The following CARD8 variants were observed in gnomAD, a reference collection of about 807,000 sequenced individuals.
The protein encoded by CARD8 is caspase recruitment domain family member 8, also known as caspase recruitment domain-containing protein 8.
Under a neutral mutation model 53.2 loss-of-function variants are expected in CARD8, and 38 were observed. That is an observed-to-expected ratio of 0.71 (90% CI 0.55 to 0.94). The LOEUF (loss-of-function observed/expected upper bound fraction) is 0.94. CARD8 is among the 40% of genes least tolerant of loss of function. The pLI is 0.00. For missense variants in CARD8, 561 were observed against 655.5 expected, an observed-to-expected ratio of 0.86 and a Z score of 1.57; for synonymous variants, 245 against 244.9, an observed-to-expected ratio of 1.00 and a Z score of 0.00.
intron 12 of CARD8, 44 bp downstream of exon 12, chr19:48,218,827 G>C (rs2039911474): frequency 1.2e-6 from 2 of 1,601,566 alleles, no homozygotes; most frequent in Non-Finnish European, 1.7e-6. Flanking sequence ...AGAGGTACAT[G>C]ATGGATCCCT....
At chr19:48,223,070 G>A (rs1034331924) in intron 10 of CARD8, among the ~76,000 whole-genome samples, 2 of 152,164 alleles carry the variant, frequency 1.3e-5, no homozygotes, top group African/African-American at 2.4e-5. Flanking sequence ...TTGGGAGGCC[G>A]AGGCAGGCAG....
chr19:48,211,512 A>G lies in CARD8; in HGVS notation c.*198T>C. On this transcript the variant is annotated 3_prime_UTR_variant, in exon 14 of 14. Transcript: ENST00000651546. Reference sequence around the variant, plus strand: ...TAAAAGGAATATTACTACCTTCTTCAGACATTCTTGAGGAAAATGCATGAG... The same window carrying G: ...TAAAAGGAATATTACTACCTTCTTCGGACATTCTTGAGGAAAATGCATGAG... The G allele has an allele frequency of 1.7e-6, 1 of 571,698 alleles. No homozygotes were observed. The highest frequency in any genetic ancestry group is 3.1e-6 in the Non-Finnish European group (1 of 325,946). 35.4% of individuals were successfully genotyped at this position (571,698 alleles called of 1,614,324 possible).
At chr19:48,227,936 G>A (rs182995270) in intron 10 of CARD8, among the ~76,000 whole-genome samples, 13 of 151,890 alleles carry the variant, frequency 8.6e-5, no homozygotes, top group African/African-American at 2.9e-4. Context: ...GTTAGGAATC[G>A]GGCTGCACAG....
intron 3 of CARD8, among the ~76,000 whole-genome samples, chr19:48,242,104 T>C (rs2045252535): frequency 6.6e-6 from 1 of 152,220 alleles, no homozygotes; most frequent in Non-Finnish European, 1.5e-5. Flanking sequence ...CGAATGTATG[T>C]GTCCACCCTC....
intron 6 of CARD8, chr19:48,233,848 T>TGG (rs200715270): frequency 0.01 from 1,690 of 161,582 alleles, 35 homozygotes; most frequent in African/African-American, 0.039. Context: ...GTCATTTTTC[T>TGG]ACACTTTTCA....
chr19:48,229,250 A>G (rs2042384302), intron 10 of CARD8, among the ~76,000 whole-genome samples: 1 of 151,248 alleles, frequency 6.6e-6, no homozygotes, highest in Non-Finnish European at 1.5e-5. Flanking sequence ...ACAGTGAAAC[A>G]ATGAGGTTTT....
At chr19:48,235,985 C>A (rs2146433274) in intron 5 of CARD8, among the ~76,000 whole-genome samples, 1 of 151,850 alleles carries the variant, frequency 6.6e-6, no homozygotes, top group East Asian at 1.9e-4. Context: ...ACAACAAGAG[C>A]AAAAATCCTG....
intron 11 of CARD8, among the ~76,000 whole-genome samples, chr19:48,219,856 A>G (rs145143318): frequency 6.6e-5 from 10 of 152,240 alleles, no homozygotes; most frequent in Admixed American, 2.6e-4. Flanking sequence ...CTGTAGTCCC[A>G]GCTACTCAGG....
intron 13 of CARD8, 30 bp from the exon 14 acceptor site, chr19:48,212,005 A>G: frequency 1.2e-6 from 2 of 1,602,988 alleles, no homozygotes; most frequent in Non-Finnish European, 1.7e-6. Context: ...TCAGACTTTG[A>G]GAATCGTTCA....
intron 10 of CARD8, among the ~76,000 whole-genome samples, chr19:48,226,191 T>G (rs2041756525): frequency 6.6e-6 from 1 of 152,198 alleles, no homozygotes; most frequent in South Asian, 2.1e-4. Flanking sequence ...TGTATTAGAA[T>G]TAAAAAATTT....
At position 48,238,466 on chromosome 19, in the gene CARD8, C is replaced by A; in HGVS notation, c.126G>T (p.Leu42=). The A allele has an allele frequency of 6.5e-7, 1 of 1,536,332 alleles. No individual in the cohort carries two copies. Among genetic ancestry groups the A allele is most frequent in the East Asian group, 2.4e-5 (1 of 40,916 alleles). Residue 42 remains leucine (L), a synonymous_variant, in exon 5 of 14, where the codon CTG becomes CTT. Transcript: ENST00000651546. The part of the protein sequence containing the change: ...KLIRLQGSRK[L]LVDNSIRELQ... ...GTTCCCGTATGCTATTGTCAACCAA[C>A]AGTTTCCGTGATCCTTGTAGTCTAA...
intron 10 of CARD8, among the ~76,000 whole-genome samples, chr19:48,227,429 A>G (rs1387018854): frequency 6.6e-6 from 1 of 152,200 alleles, no homozygotes; most frequent in African/African-American, 2.4e-5. Context: ...AGGAGAGTCC[A>G]AGATTCAGCC....
Position 48,234,501 on chromosome 19 carries a change from G to T in CARD8, c.252C>A (p.Asp84Glu), listed in dbSNP as rs934348668. The T allele has an allele frequency of 6.2e-7, 1 of 1,613,700 alleles. No homozygotes were observed. The highest frequency in any genetic ancestry group is 1.3e-5 in the African/African-American group (1 of 74,902). ...CATCTTCTTGGAAAAAATGTGAGATGTCACAAAGGGTCTCAGAAACACAGG... is the reference window on the plus strand; with the variant it reads ...CATCTTCTTGGAAAAAATGTGAGATTTCACAAAGGGTCTCAGAAACACAGG... ...ELPCVSETLC[D>E]ISHFFQEDDE... The change falls in exon 6 of 14, where the codon GAC becomes GAA. Residue 84 changes from aspartate to glutamate, a missense_variant. Coordinates refer to ENST00000651546, the MANE Select transcript of CARD8 (RefSeq NM_001184900.3).
At chr19:48,215,663 A>G (rs892077566) in intron 12 of CARD8, among the ~76,000 whole-genome samples, 2 of 152,216 alleles carry the variant, frequency 1.3e-5, no homozygotes, top group African/African-American at 4.8e-5. Flanking sequence ...CATATCATAC[A>G]GTGCTACATA....
chr19:48,245,820 C>G (rs1010110774), intron 3 of CARD8, among the ~76,000 whole-genome samples: 4 of 147,694 alleles, frequency 2.7e-5, no homozygotes, highest in Admixed American at 2.0e-4. Flanking sequence ...ATTATATATA[C>G]ATTTATTGTA....
intron 10 of CARD8, among the ~76,000 whole-genome samples, chr19:48,229,138 A>C (rs1212190673): frequency 6.6e-6 from 1 of 152,192 alleles, no homozygotes; most frequent in Non-Finnish European, 1.5e-5. Context: ...CTCTGTCTCA[A>C]AAAAGAAAAA....
In CARD8 at chr19:48,231,711, G is replaced by C. The variant is rs751433350; in HGVS notation, c.491C>G (p.Pro164Arg). 4.9e-5 allele frequency: 79 copies of C among 1,612,802 alleles called. No individual in the cohort carries two copies. The highest frequency in any genetic ancestry group is 1.1e-4 in the East Asian group (5 of 44,860). ...CAACTCAACATCCACATTTCCTTCA[G>C]GCCCCAGAAACTGACGATTTTTATA... ...EDYKNRQFLG[P>R]EGNVDVELID... is the part of the protein sequence containing the mutation. The change falls in exon 8 of 14, where the codon CCT becomes CGT. Residue 164 changes from proline (P) to arginine (R), a missense_variant. Pro to Arg is a moderately radical substitution (Grantham distance 103). Coordinates refer to ENST00000651546, the MANE Select transcript of CARD8 (RefSeq NM_001184900.3).
At chr19:48,231,918 A>G in intron 7 of CARD8, 108 bp from the exon 8 acceptor site, 1 of 958,214 alleles carries the variant, frequency 1.0e-6, no homozygotes, top group Non-Finnish European at 1.7e-6. Context: ...ACAGATATCG[A>G]ATGAGAGCTG....
Position 48,231,718 on chromosome 19 carries a change from G to A in CARD8, c.484C>T (p.Leu162=), listed in dbSNP as rs141501019. Residue 162 remains leucine (L), a synonymous_variant, in exon 8 of 14, where the codon CTG becomes TTG. Coordinates refer to ENST00000651546, the MANE Select transcript of CARD8 (RefSeq NM_001184900.3). ...ACATCCACATTTCCTTCAGGCCCCAGAAACTGACGATTTTTATAATCTTCT... is the reference window on the plus strand; with the variant it reads ...ACATCCACATTTCCTTCAGGCCCCAAAAACTGACGATTTTTATAATCTTCT... ...IEEDYKNRQF[L]GPEGNVDVEL... 94 of 1,613,452 alleles carry A rather than the reference G, an allele frequency of 5.8e-5. 1 individual carries two copies. The African/African-American group carries it at 1.2e-3, about 21-fold the overall frequency.
Sources: allele counts gnomAD v4.1 joint callset (sites outside exome capture counted in the v4.1 genomes callset), GRCh38; gene constraint gnomAD v4.1.1; transcripts MANE v1.5; gene names NCBI Gene and HGNC (gene_info 2026-07-23, HGNC 2026-07-21).